The following SLC22A16 variants were observed in gnomAD, a reference collection of about 807,000 sequenced individuals.
SLC22A16 encodes WUGSC:RG331P03.1.
Under a neutral mutation model 52.9 loss-of-function variants are expected in SLC22A16, and 53 were observed. That is an observed-to-expected ratio of 1.00 (90% CI 0.80 to 1.26). The LOEUF (loss-of-function observed/expected upper bound fraction) is 1.26, where lower values mean the gene tolerates loss of function less well. Ranked by LOEUF, SLC22A16 falls within the 50% of genes most tolerant of loss-of-function variation. The probability of loss-of-function intolerance (pLI) is 0.00; values close to 1 mark genes in which losing one functional copy is unlikely to be tolerated. For synonymous variants in SLC22A16, 291 were observed against 268.8 expected (o/e 1.08, Z -0.81); for missense variants, 726 against 704.0 (o/e 1.03, Z -0.35).
At chr6:110,461,168 G>T (rs955476019) in intron 1 of SLC22A16, among the ~76,000 whole-genome samples, 1 of 152,206 alleles carries the variant, frequency 6.6e-6, no homozygotes, top group Non-Finnish European at 1.5e-5. Flanking sequence ...ACACAAAGTA[G>T]CAATGTCCCT....
intron 2 of SLC22A16, among the ~76,000 whole-genome samples, chr6:110,455,230 C>A (rs1383888587): frequency 6.6e-6 from 1 of 151,344 alleles, no homozygotes; most frequent in Admixed American, 6.6e-5. Flanking sequence ...TGTCATACAG[C>A]AAATGTATTT....
In SLC22A16 at chr6:110,440,005, G is replaced by T. The variant is rs141234484; in HGVS notation, c.1184-1158C>A. 205 of 152,278 alleles carry T rather than the reference G, an allele frequency of 1.3e-3. 1 individual carries two copies. Among genetic ancestry groups the T allele is most frequent in the African/African-American group, 4.5e-3 (185 of 41,542 alleles). 9.4% of individuals were successfully genotyped at this position (152,278 alleles called of 1,614,324 possible). A position where few individuals can be genotyped will look rare whatever the true frequency, so the allele number is the denominator to read the frequency against. On this transcript the variant is annotated intron_variant, in intron 4 of 7. Coordinates refer to ENST00000368919, the MANE Select transcript of SLC22A16 (RefSeq NM_033125.4). ...TTACAAAGAACAATATATAGTGAGT[G>T]ATCTCATTTATGTTAAAATATAAAA...
intron 3 of SLC22A16, 90 bp from the exon 4 acceptor site, chr6:110,442,865 AAAG>A: frequency 8.6e-7 from 1 of 1,168,756 alleles, no homozygotes; most frequent in African/African-American, 1.6e-5. Context: ...TATAGGCAAA[AAAG>A]AAAATGACAA....
intron 6 of SLC22A16, among the ~76,000 whole-genome samples, chr6:110,435,427 G>T (rs1011816869): frequency 4.6e-5 from 7 of 152,096 alleles, no homozygotes; most frequent in African/African-American, 1.7e-4. Context: ...CCGACACCTT[G>T]TTCTTGGACT....
chr6:110,454,918 AAT>A (rs1491101469), intron 2 of SLC22A16, among the ~76,000 whole-genome samples: 7 of 92,224 alleles, frequency 7.6e-5, no homozygotes, highest in East Asian at 2.7e-4. Flanking sequence ...TATTATATAT[AAT>A]ATATATATTA....
intron 3 of SLC22A16, 67 bp from the exon 4 acceptor site, chr6:110,442,842 A>T (rs934776048): frequency 1.4e-6 from 2 of 1,432,638 alleles, no homozygotes; most frequent in East Asian, 2.3e-5. Context: ...GTCTGACCCC[A>T]TTGCAAATCA....
At chr6:110,470,667 C>T (rs1344786150) in intron 1 of SLC22A16, among the ~76,000 whole-genome samples, 1 of 152,114 alleles carries the variant, frequency 6.6e-6, no homozygotes, top group East Asian at 1.9e-4. Context: ...CTCCTTCTCT[C>T]TTTGTGTCTT....
chr6:110,462,014 G>A (rs201295790), intron 1 of SLC22A16, among the ~76,000 whole-genome samples: 1 of 152,192 alleles, frequency 6.6e-6, no homozygotes, highest in African/African-American at 2.4e-5. Flanking sequence ...AGGCAAGGAG[G>A]AGCAAGTCAC....
At chr6:110,429,309 G>A (rs941645984) in intron 7 of SLC22A16, among the ~76,000 whole-genome samples, 8 of 152,112 alleles carry the variant, frequency 5.3e-5, no homozygotes, top group Non-Finnish European at 1.0e-4. Context: ...ACACCCCAAT[G>A]GCACATCCAA....
At chr6:110,444,128 A>G (rs953946035) in intron 3 of SLC22A16, among the ~76,000 whole-genome samples, 2 of 152,216 alleles carry the variant, frequency 1.3e-5, no homozygotes, top group African/African-American at 4.8e-5. Flanking sequence ...TTTGTGTTAT[A>G]TGTACTTTAC....
chr6:110,428,382 GAC>G (rs1774360426), intron 7 of SLC22A16, among the ~76,000 whole-genome samples: 1 of 152,200 alleles, frequency 6.6e-6, no homozygotes, highest in Non-Finnish European at 1.5e-5. Flanking sequence ...GCCACTCAGG[GAC>G]AGGCTGGACA....
chr6:110,453,817 G>A (rs1289898221), intron 2 of SLC22A16: 1 of 414,464 alleles, frequency 2.4e-6, no homozygotes, highest in East Asian at 7.1e-5. Context: ...AGTTCTGCAG[G>A]CTGGGAAGAT....
chr6:110,439,404 T>TG (rs1415126343), intron 4 of SLC22A16, among the ~76,000 whole-genome samples: 1 of 152,196 alleles, frequency 6.6e-6, no homozygotes, highest in Non-Finnish European at 1.5e-5. Flanking sequence ...TTGGCCACTC[T>TG]GTTCTAGGGA....
At chr6:110,469,950 A>G (rs1020395664) in intron 1 of SLC22A16, among the ~76,000 whole-genome samples, 1 of 152,220 alleles carries the variant, frequency 6.6e-6, no homozygotes, top group African/African-American at 2.4e-5. Context: ...AACATAGAAA[A>G]CTGAAATGTC....
intron 1 of SLC22A16, among the ~76,000 whole-genome samples, chr6:110,474,064 G>A (rs1002627343): frequency 5.9e-5 from 9 of 152,130 alleles, no homozygotes; most frequent in South Asian, 4.1e-4. Context: ...GATTCTCATA[G>A]GAACGTGAAC....
chr6:110,459,970 G>A (rs1331075289), intron 1 of SLC22A16, among the ~76,000 whole-genome samples: 2 of 152,094 alleles, frequency 1.3e-5, no homozygotes, highest in Non-Finnish European at 2.9e-5. Context: ...GAAATTAAGA[G>A]GCATAGCAGA....
chr6:110,451,226 G>T lies in SLC22A16; in HGVS notation c.534-4236C>A, dbSNP rs1459821977. On this transcript the variant is annotated intron_variant, in intron 2 of 7. Transcript: ENST00000368919. ...CCATGAGATAATTGAAGGACATCTG[G>T]GTTGTTTAGAGTGCAGGGCTGTTAG... Among the ~76,000 whole-genome samples, 4 of 152,158 alleles carry T rather than the reference G, an allele frequency of 2.6e-5. No homozygotes were observed. In the South Asian group the frequency reaches 6.2e-4, roughly 24 times the overall value.
intron 1 of SLC22A16, among the ~76,000 whole-genome samples, chr6:110,469,124 T>A (rs1336104617): frequency 1.3e-5 from 2 of 152,352 alleles, no homozygotes; most frequent in East Asian, 3.9e-4. Context: ...GTAGATGGGC[T>A]TCATCTTACA....
At chr6:110,436,476 A>G (rs1424842883) in intron 5 of SLC22A16, among the ~76,000 whole-genome samples, 2 of 152,142 alleles carry the variant, frequency 1.3e-5, no homozygotes, top group Non-Finnish European at 2.9e-5. Flanking sequence ...AAACAAAAAA[A>G]TTAGCTGTGT....
Sources: gnomAD v4.1 joint callset for allele counts (sites outside exome capture counted in the v4.1 genomes callset) on GRCh38, gnomAD v4.1.1 for gene constraint, MANE v1.5 for transcripts, NCBI Gene and HGNC (gene_info 2026-07-23, HGNC 2026-07-21) for gene names.